The following SPAG16 variants were observed in gnomAD, a reference collection of about 807,000 sequenced individuals.
SPAG16 encodes sperm-associated antigen 16 protein.
In SPAG16, 86 loss-of-function variants were observed where a neutral mutation model predicts 80.4. The ratio of observed to expected loss-of-function variants is 1.07; its 90% CI spans 0.90 to 1.28. SPAG16 has a LOEUF of 1.28. Ranked by LOEUF, SPAG16 falls within the 50% of genes most tolerant of loss-of-function variation. SPAG16 has a pLI of 0.00. For synonymous variants in SPAG16, 294 were observed against 265.9 expected (o/e 1.11, Z -1.03); for missense variants, 870 against 765.3 (o/e 1.14, Z -1.61).
At chr2:214,398,094 G>A (rs557766360) in intron 15 of SPAG16, among the ~76,000 whole-genome samples, 26 of 152,178 alleles carry the variant, frequency 1.7e-4, no homozygotes, top group African/African-American at 6.0e-4. Context: ...ATTTGAATTT[G>A]GTAGGCCATG....
intron 11 of SPAG16, among the ~76,000 whole-genome samples, chr2:213,867,046 A>G (rs1280848763): frequency 6.6e-6 from 1 of 152,130 alleles, no homozygotes; most frequent in Non-Finnish European, 1.5e-5. Flanking sequence ...ATTTCTATCT[A>G]TTGTTTACAG....
At chr2:214,288,047 A>T (rs1027479543) in intron 15 of SPAG16, among the ~76,000 whole-genome samples, 1 of 152,116 alleles carries the variant, frequency 6.6e-6, no homozygotes, top group Non-Finnish European at 1.5e-5. Context: ...ACCTGTGCCC[A>T]CTAATCAACC....
chr2:213,693,982 C>T lies in SPAG16; in HGVS notation c.1071-168503C>T, dbSNP rs1164216260. Reference sequence around the variant, plus strand: ...AGAGAAGCCAGAAATATGGATTTATCATGTCAACTCTCCTAATAAATACTG... The same window carrying T: ...AGAGAAGCCAGAAATATGGATTTATTATGTCAACTCTCCTAATAAATACTG... On this transcript the variant is annotated intron_variant, in intron 10 of 15. Transcript: ENST00000331683. 2.0e-5 allele frequency among the ~76,000 whole-genome samples: 3 copies of T among 150,578 alleles called. No individual in the cohort carries two copies. In the East Asian group the frequency reaches 5.8e-4, roughly 29 times the overall value.
chr2:213,808,127 G>A (rs2071887484), intron 10 of SPAG16, among the ~76,000 whole-genome samples: 1 of 152,134 alleles, frequency 6.6e-6, no homozygotes, highest in South Asian at 2.1e-4. Flanking sequence ...GTATGAATGA[G>A]GCTGTTCTAT....
At chr2:214,316,895 A>G (rs1695736447) in intron 15 of SPAG16, among the ~76,000 whole-genome samples, 1 of 152,130 alleles carries the variant, frequency 6.6e-6, no homozygotes, top group Non-Finnish European at 1.5e-5. Context: ...TCTCCACTAA[A>G]TCATCAATGG....
In SPAG16 at chr2:214,010,905, A is replaced by G. The variant is rs952911651; in HGVS notation, c.1401-3046A>G. On this transcript the variant is annotated intron_variant, in intron 12 of 15. Transcript: ENST00000331683. The stretch of plus-strand genomic sequence containing the variant: ...AAAGTGGGAGGAACATAAATACGTT[A>G]TTTTCCTTTTTTCACTATACTTTTT... Among the ~76,000 whole-genome samples, 10 of 145,524 alleles carry G rather than the reference A, an allele frequency of 6.9e-5. 1 individual carries two copies. The highest frequency in any genetic ancestry group is 2.4e-4 in the African/African-American group (9 of 36,970).
At chr2:214,409,929 A>C (rs1455876031) in intron 15 of SPAG16, among the ~76,000 whole-genome samples, 1 of 152,218 alleles carries the variant, frequency 6.6e-6, no homozygotes, top group African/African-American at 2.4e-5. Context: ...CTATGTCCCA[A>C]TTAGAAAATT....
chr2:214,093,192 A>G (rs970616757), intron 13 of SPAG16, among the ~76,000 whole-genome samples: 3 of 151,996 alleles, frequency 2.0e-5, no homozygotes, highest in Admixed American at 1.3e-4. Context: ...CCTAGTTAGT[A>G]ATTTTATATA....
chr2:213,314,971 C>CT (rs199857848), intron 4 of SPAG16, among the ~76,000 whole-genome samples: 2,210 of 151,462 alleles, frequency 0.015, 25 homozygotes, highest in South Asian at 0.038. Context: ...TCCTCTTGCT[C>CT]TTTTTTTAGA....
At chr2:213,988,830 T>C (rs1258030408) in intron 12 of SPAG16, among the ~76,000 whole-genome samples, 1 of 152,060 alleles carries the variant, frequency 6.6e-6, no homozygotes, top group African/African-American at 2.4e-5. Context: ...GGGTTTGTGG[T>C]TTGCAAGTCA....
chr2:214,200,306 G>A (rs1011006178), intron 15 of SPAG16, among the ~76,000 whole-genome samples: 1 of 152,134 alleles, frequency 6.6e-6, no homozygotes, highest in African/African-American at 2.4e-5. Flanking sequence ...AGGGATGCTA[G>A]ATTCAATCAA....
At chr2:213,886,444 G>C (rs1403538324) in intron 11 of SPAG16, among the ~76,000 whole-genome samples, 1 of 152,086 alleles carries the variant, frequency 6.6e-6, no homozygotes, top group East Asian at 1.9e-4. Flanking sequence ...TTGATTCTGA[G>C]GCTGTATTTG....
chr2:213,674,471 T>C (rs1167834702), intron 10 of SPAG16, among the ~76,000 whole-genome samples: 1 of 151,386 alleles, frequency 6.6e-6, no homozygotes, highest in Non-Finnish European at 1.5e-5. Context: ...GACATGCTGG[T>C]GCGCTGCACC....
At chr2:214,002,957 T>C (rs913993600) in intron 12 of SPAG16, among the ~76,000 whole-genome samples, 1 of 152,182 alleles carries the variant, frequency 6.6e-6, no homozygotes, top group Non-Finnish European at 1.5e-5. Flanking sequence ...AATTATCGCA[T>C]TGAGAATATT....
chr2:214,175,715 T>C (rs962296731), intron 15 of SPAG16, among the ~76,000 whole-genome samples: 6 of 151,568 alleles, frequency 4.0e-5, no homozygotes, highest in Non-Finnish European at 7.4e-5. Context: ...TTTAGTTTAA[T>C]ACATTAAAAA....
At chr2:214,308,415 T>C (rs1489440740) in intron 15 of SPAG16, among the ~76,000 whole-genome samples, 1 of 152,200 alleles carries the variant, frequency 6.6e-6, no homozygotes, top group Admixed American at 6.5e-5. Flanking sequence ...TATGTGTGGA[T>C]TTGACTCTCA....
intron 12 of SPAG16, among the ~76,000 whole-genome samples, chr2:213,996,854 C>T (rs954036521): frequency 4.6e-5 from 7 of 152,198 alleles, no homozygotes; most frequent in East Asian, 3.9e-4. Context: ...AGGTGTGAGC[C>T]GCCGCACCCG....
At chr2:213,865,392 T>C (rs1267381557) in intron 11 of SPAG16, among the ~76,000 whole-genome samples, 1 of 151,912 alleles carries the variant, frequency 6.6e-6, no homozygotes, top group African/African-American at 2.4e-5. Context: ...AGAGGAACTA[T>C]AAACTTTCAT....
chr2:213,891,825 C>T (rs1192998432), intron 11 of SPAG16, among the ~76,000 whole-genome samples: 2 of 152,112 alleles, frequency 1.3e-5, no homozygotes, highest in Non-Finnish European at 2.9e-5. Context: ...TGCCTGCCTC[C>T]AGGTGAAGAG....
Sources: allele counts gnomAD v4.1 joint callset (sites outside exome capture counted in the v4.1 genomes callset), GRCh38; gene constraint gnomAD v4.1.1; transcripts MANE v1.5; gene names NCBI Gene and HGNC (gene_info 2026-07-23, HGNC 2026-07-21).